The following IFNGR2 variants were observed in gnomAD, a reference collection of about 807,000 sequenced individuals.
IFNGR2 encodes IFN-gamma receptor 2.
Under a neutral mutation model 41.1 loss-of-function variants are expected in IFNGR2, and 15 were observed. The ratio of observed to expected loss-of-function variants is 0.37; its 90% CI spans 0.24 to 0.56. The LOEUF is 0.56. IFNGR2 is among the 20% of genes least tolerant of loss of function. IFNGR2 has a pLI of 0.81. For synonymous variants in IFNGR2, 161 were observed against 171.6 expected (o/e 0.94, Z 0.48); for missense variants, 362 against 415.7 (o/e 0.87, Z 1.12).
intron 1 of IFNGR2, among the ~76,000 whole-genome samples, chr21:33,406,539 A>G (rs1190856756): frequency 2.0e-5 from 3 of 152,100 alleles, no homozygotes; most frequent in Non-Finnish European, 4.4e-5. Flanking sequence ...AATATTCACA[A>G]TGATTATATG....
intron 2 of IFNGR2, among the ~76,000 whole-genome samples, chr21:33,417,242 T>C (rs7283850): frequency 0.77 from 117,134 of 151,864 alleles, 45,727 homozygotes; most frequent in East Asian, 0.98. Context: ...GGGCGCACAC[T>C]GCTGTACCCA....
chr21:33,424,931 T>C (rs922441922), intron 3 of IFNGR2, among the ~76,000 whole-genome samples: 7 of 151,874 alleles, frequency 4.6e-5, no homozygotes, highest in African/African-American at 1.7e-4. Context: ...TTTTGTGAGA[T>C]GGAGTTTCAC....
At chr21:33,413,760 G>A (rs1438554079) in intron 1 of IFNGR2, among the ~76,000 whole-genome samples, 1 of 151,324 alleles carries the variant, frequency 6.6e-6, no homozygotes, top group Non-Finnish European at 1.5e-5. Context: ...ACCCCAAAGA[G>A]AGGGATTCTG....
intron 1 of IFNGR2, among the ~76,000 whole-genome samples, chr21:33,413,675 C>A (rs1023296624): frequency 3.9e-5 from 6 of 151,938 alleles, no homozygotes; most frequent in African/African-American, 1.2e-4. Flanking sequence ...GTGGCAGTTT[C>A]TTCTAGGTCC....
At chr21:33,411,395 C>T (rs758476905) in intron 1 of IFNGR2, 9 of 468,886 alleles carry the variant, frequency 1.9e-5, no homozygotes, top group East Asian at 6.9e-5. Flanking sequence ...TAGAGGTGCC[C>T]GGAAAGGGAA....
At position 33,432,753 on chromosome 21, in the gene IFNGR2, G is replaced by C; in HGVS notation, c.761G>C (p.Gly254Ala). The C allele has an allele frequency of 6.2e-7, 1 of 1,614,098 alleles. No individual in the cohort carries two copies. The highest frequency in any genetic ancestry group is 8.5e-7 in the Non-Finnish European group (1 of 1,180,016). ...CAGCAAGTCATCCTGATCTCCGTGG[G>C]AACATTTTCGTTGCTGTCGGTGCTG... ...ELQQVILISVGTFSLLSVLAG... is the reference protein window; with the variant it reads ...ELQQVILISVATFSLLSVLAG... The change falls in exon 6 of 7, where the codon GGA (glycine) becomes GCA (alanine). Residue 254 changes from glycine to alanine, a missense_variant. Gly to Ala is a moderately conservative substitution (Grantham distance 60, BLOSUM62 0). Coordinates refer to ENST00000290219, the MANE Select transcript of IFNGR2 (RefSeq NM_005534.4).
At chr21:33,405,177 A>G (rs1351634501) in intron 1 of IFNGR2, among the ~76,000 whole-genome samples, 3 of 151,670 alleles carry the variant, frequency 2.0e-5, no homozygotes, top group Non-Finnish European at 4.4e-5. Context: ...ATTCTTGTGT[A>G]TGTATCTGCT....
intron 1 of IFNGR2, among the ~76,000 whole-genome samples, chr21:33,409,563 G>A (rs2123331387): frequency 6.6e-6 from 1 of 152,292 alleles, no homozygotes; most frequent in South Asian, 2.1e-4. Flanking sequence ...GCGAGTGGTG[G>A]TGATTGGTCT....
intron 1 of IFNGR2, among the ~76,000 whole-genome samples, chr21:33,405,920 C>A (rs551850034): frequency 5.3e-5 from 8 of 152,112 alleles, no homozygotes; most frequent in African/African-American, 1.7e-4. Flanking sequence ...GTCCCAGCTA[C>A]TCAGGAGGCT....
intron 6 of IFNGR2, among the ~76,000 whole-genome samples, chr21:33,433,367 C>T (rs987794947): frequency 1.3e-5 from 2 of 152,134 alleles, no homozygotes; most frequent in South Asian, 2.1e-4. Context: ...ACTCCGGTGT[C>T]GTTGAAGGAT....
chr21:33,431,854 G>A (rs891747088), intron 4 of IFNGR2, among the ~76,000 whole-genome samples: 2 of 152,198 alleles, frequency 1.3e-5, no homozygotes, highest in African/African-American at 4.8e-5. Flanking sequence ...TTATAGGCGT[G>A]AGCCACCCCA....
intron 2 of IFNGR2, among the ~76,000 whole-genome samples, chr21:33,417,095 CTTT>C (rs1225477655): frequency 7.0e-6 from 1 of 143,142 alleles, no homozygotes; most frequent in African/African-American, 2.5e-5. Flanking sequence ...CAGATAACTT[CTTT>C]TTTTTTTTTC....
chr21:33,431,462 C>A (rs1425531745), intron 4 of IFNGR2, among the ~76,000 whole-genome samples: 4 of 152,030 alleles, frequency 2.6e-5, no homozygotes, highest in Admixed American at 2.6e-4. Flanking sequence ...CCCAACTACT[C>A]AGGAGTTGGA....
In IFNGR2 at chr21:33,403,493, C is replaced by T; in HGVS notation, c.-51C>T. 8.9e-7 allele frequency: 1 copy of T among 1,123,618 alleles called. No individual in the cohort carries two copies. Among genetic ancestry groups the T allele is most frequent in the Non-Finnish European group, 1.1e-6 (1 of 915,116 alleles). The allele number at this position is 1,123,618 out of a possible 1,614,324, so 69.6% of individuals were successfully genotyped here. On this transcript the variant is annotated 5_prime_UTR_variant, in exon 1 of 7. Coordinates refer to ENST00000290219, the MANE Select transcript of IFNGR2 (RefSeq NM_005534.4). ...CGGCGACGTGAGCGGCTCCGCGGACCCCGAGCGGGGCCCCGGCCGCGACCT... is the reference window on the plus strand; with the variant it reads ...CGGCGACGTGAGCGGCTCCGCGGACTCCGAGCGGGGCCCCGGCCGCGACCT...
chr21:33,408,325 T>C (rs1289056613), intron 1 of IFNGR2, among the ~76,000 whole-genome samples: 1 of 152,074 alleles, frequency 6.6e-6, no homozygotes, highest in Non-Finnish European at 1.5e-5. Flanking sequence ...GCCTCCCAAG[T>C]AACTGTGATT....
chr21:33,403,699 G>T, intron 1 of IFNGR2, 83 bp downstream of exon 1: 1 of 940,116 alleles, frequency 1.1e-6, no homozygotes, highest in South Asian at 3.2e-5. Context: ...ATCGTGGGGT[G>T]GGGGGAATCT....
intron 4 of IFNGR2, among the ~76,000 whole-genome samples, chr21:33,429,506 C>CA (rs2083867519): frequency 6.6e-6 from 1 of 152,058 alleles, no homozygotes; most frequent in Admixed American, 6.6e-5. Flanking sequence ...GCAAAATCGG[C>CA]AAAGGGAAGA....
intron 1 of IFNGR2, among the ~76,000 whole-genome samples, chr21:33,410,614 T>C (rs1446933954): frequency 6.6e-6 from 1 of 151,636 alleles, no homozygotes; most frequent in Non-Finnish European, 1.5e-5. Flanking sequence ...AATGCAGGTG[T>C]GCACCACTAT....
At position 33,437,189 on chromosome 21, in the gene IFNGR2, C is replaced by T. The variant is rs1315442008; in HGVS notation, c.*227C>T. 2 of 524,398 alleles carry T rather than the reference C, an allele frequency of 3.8e-6. No individual in the cohort carries two copies. Among genetic ancestry groups the T allele is most frequent in the African/African-American group, 3.8e-5 (2 of 52,218 alleles). The allele number at this position is 524,398 out of a possible 1,614,324, so 32.5% of individuals were successfully genotyped here. A position where few individuals can be genotyped will look rare whatever the true frequency, so the allele number is the denominator to read the frequency against. ...TCCAGAATGATTTTACGGAGATATCCCAGGAAAATTAAGGCTTCTCTTAAA... is the reference window on the plus strand; with the variant it reads ...TCCAGAATGATTTTACGGAGATATCTCAGGAAAATTAAGGCTTCTCTTAAA... On this transcript the variant is annotated 3_prime_UTR_variant, in exon 7 of 7. Coordinates refer to ENST00000290219, the MANE Select transcript of IFNGR2 (RefSeq NM_005534.4).
Sources: gnomAD v4.1 joint callset for allele counts (sites outside exome capture counted in the v4.1 genomes callset) on GRCh38, gnomAD v4.1.1 for gene constraint, MANE v1.5 for transcripts, NCBI Gene and HGNC (gene_info 2026-07-23, HGNC 2026-07-21) for gene names.